The following ANXA4 variants were observed in gnomAD, a reference collection of about 807,000 sequenced individuals.
ANXA4 encodes 35-beta calcimedin.
In ANXA4, 39 loss-of-function variants were observed where a neutral mutation model predicts 49.8. That is an observed-to-expected ratio of 0.78 (90% CI 0.61 to 1.02). The LOEUF is 1.02. Ranked by LOEUF, ANXA4 falls within the 50% of genes least tolerant of loss-of-function variation. ANXA4 has a pLI of 0.00. For synonymous variants in ANXA4, 134 were observed against 152.5 expected (o/e 0.88, Z 0.89); for missense variants, 360 against 410.1 (o/e 0.88, Z 1.05).
At chr2:69,759,317 G>C (rs1438640685) in intron 1 of ANXA4, among the ~76,000 whole-genome samples, 1 of 152,102 alleles carries the variant, frequency 6.6e-6, no homozygotes, top group Non-Finnish European at 1.5e-5. Context: ...TATACATACT[G>C]TGATTACAAC....
At chr2:69,760,912 A>G (rs1671256391) in intron 1 of ANXA4, among the ~76,000 whole-genome samples, 1 of 152,076 alleles carries the variant, frequency 6.6e-6, no homozygotes. Flanking sequence ...ACACTGGTGA[A>G]CCACTTTGGG....
intron 2 of ANXA4, among the ~76,000 whole-genome samples, chr2:69,719,780 G>A (rs527733873): frequency 6.6e-6 from 1 of 152,004 alleles, no homozygotes; most frequent in Non-Finnish European, 1.5e-5. Flanking sequence ...AAAATCATTA[G>A]TTAAAAATCA....
chr2:69,755,649 T>C (rs939334894), intron 1 of ANXA4, among the ~76,000 whole-genome samples: 2 of 152,224 alleles, frequency 1.3e-5, no homozygotes, highest in African/African-American at 4.8e-5. Context: ...TAAATTTTGC[T>C]ATATATATGT....
rs12618783 is a variant in ANXA4, at chr2:69,777,650, C to T, written c.-46-3870C>T. On this transcript the variant is annotated intron_variant, in intron 1 of 12. Coordinates refer to ENST00000394295, the MANE Select transcript of ANXA4 (RefSeq NM_001153.5). ...GCCACTCTTGCCCTTGTTCACAATG[C>T]TTTTGTCCATCCTTCAAACACAGTA... 4.4e-3 allele frequency among the ~76,000 whole-genome samples: 673 copies of T among 152,350 alleles called. 17 individuals carry two copies. Among genetic ancestry groups the T allele is most frequent in the East Asian group, 0.031 (161 of 5,186 alleles).
intron 2 of ANXA4, among the ~76,000 whole-genome samples, chr2:69,659,182 A>G (rs1430131929): frequency 3.3e-5 from 5 of 152,200 alleles, no homozygotes; most frequent in Non-Finnish European, 5.9e-5. Context: ...ATGTGTTCAT[A>G]TATGTTTCAA....
At chr2:69,667,972 G>A (rs1677003184) in intron 2 of ANXA4, among the ~76,000 whole-genome samples, 1 of 152,210 alleles carries the variant, frequency 6.6e-6, no homozygotes, top group African/African-American at 2.4e-5. Flanking sequence ...GCACTAGTGA[G>A]CATGCAGAAA....
chr2:69,798,111 A>G (rs531364159), intron 3 of ANXA4, among the ~76,000 whole-genome samples: 2 of 152,332 alleles, frequency 1.3e-5, no homozygotes, highest in South Asian at 2.1e-4. Context: ...GGGAAAAGAA[A>G]CAGCCTAAGT....
chr2:69,784,063 A>C (rs1465518534), intron 2 of ANXA4, among the ~76,000 whole-genome samples: 1 of 152,052 alleles, frequency 6.6e-6, no homozygotes, highest in East Asian at 1.9e-4. Flanking sequence ...GTGATATGGC[A>C]CCTATTTCTA....
intron 3 of ANXA4, among the ~76,000 whole-genome samples, chr2:69,724,880 A>G (rs1553435089): frequency 6.6e-6 from 1 of 151,418 alleles, no homozygotes; most frequent in Non-Finnish European, 1.5e-5. Flanking sequence ...ATGGAATTTG[A>G]GAGGAAGCTG....
chr2:69,821,122 A>T (rs1182502444), intron 12 of ANXA4, among the ~76,000 whole-genome samples: 1 of 152,226 alleles, frequency 6.6e-6, no homozygotes, highest in Non-Finnish European at 1.5e-5. Context: ...AGAGAAGATA[A>T]ACAACTGAAT....
At chr2:69,800,540 C>G (rs1199191855) in intron 3 of ANXA4, among the ~76,000 whole-genome samples, 1 of 152,160 alleles carries the variant, frequency 6.6e-6, no homozygotes. Flanking sequence ...CATAATATAA[C>G]AGTGACAGGA....
At chr2:69,687,749 C>T (rs1348565813) in intron 2 of ANXA4, among the ~76,000 whole-genome samples, 3 of 152,152 alleles carry the variant, frequency 2.0e-5, no homozygotes, top group Non-Finnish European at 4.4e-5. Flanking sequence ...TTGCCTCAGC[C>T]TCCCAAAGTG....
At chr2:69,799,610 A>G (rs950189774) in intron 3 of ANXA4, among the ~76,000 whole-genome samples, 2 of 152,246 alleles carry the variant, frequency 1.3e-5, no homozygotes, top group African/African-American at 2.4e-5. Flanking sequence ...CTCCTATAAC[A>G]CTGGTAGTGT....
chr2:69,691,544 C>G (rs534235106), intron 2 of ANXA4, among the ~76,000 whole-genome samples: 1 of 146,876 alleles, frequency 6.8e-6, no homozygotes, highest in Non-Finnish European at 1.5e-5. Context: ...ATATGAGAAC[C>G]GTCAGTGATT....
chr2:69,656,295 GTATATATATGTATATATGTA>G (rs1676460397), intron 2 of ANXA4, among the ~76,000 whole-genome samples: 1 of 101,310 alleles, frequency 9.9e-6, no homozygotes, highest in African/African-American at 4.1e-5. Flanking sequence ...ATACATATAT[GTATATATATGTATATATGTA>G]TATATATGTA....
At chr2:69,750,236 C>T (rs551076651) in intron 1 of ANXA4, among the ~76,000 whole-genome samples, 367 of 152,162 alleles carry the variant, frequency 2.4e-3, no homozygotes, top group African/African-American at 7.9e-3. Context: ...AATTAACATT[C>T]GATCATATAC....
At chr2:69,758,969 C>A (rs115770276) in intron 1 of ANXA4, among the ~76,000 whole-genome samples, 7 of 151,990 alleles carry the variant, frequency 4.6e-5, no homozygotes, top group Non-Finnish European at 1.0e-4. Context: ...CCCATTTCTA[C>A]TAAAAGTGTT....
intron 2 of ANXA4, among the ~76,000 whole-genome samples, chr2:69,704,474 A>G (rs937191862): frequency 3.1e-4 from 47 of 152,288 alleles, no homozygotes; most frequent in African/African-American, 1.1e-3. Context: ...AACTCGGTTT[A>G]TTTCTGCAGA....
chr2:69,739,673 C>T (rs940533486), upstream of ANXA4, among the ~76,000 whole-genome samples: 2 of 152,090 alleles, frequency 1.3e-5, no homozygotes, highest in Middle Eastern at 3.2e-3. Flanking sequence ...ATCCTCCCAC[C>T]GCGGCCTTCC....
Sources: allele counts gnomAD v4.1 joint callset (sites outside exome capture counted in the v4.1 genomes callset), GRCh38; gene constraint gnomAD v4.1.1; transcripts MANE v1.5; gene names NCBI Gene and HGNC (gene_info 2026-07-23, HGNC 2026-07-21).